Variants in MAF observed in about 807,000 individuals in gnomAD.
The protein encoded by MAF is transcription factor Maf.
In MAF, 10 loss-of-function variants were observed where a neutral mutation model predicts 22.0. The observed-to-expected ratio is 0.45, with a 90% CI of 0.28 to 0.77. The LOEUF is 0.77. Among genes scored for constraint, MAF ranks in the 30% least tolerant of loss-of-function variants. The pLI is 0.12. For missense variants in MAF, 544 were observed against 548.4 expected (o/e 0.99, Z 0.08); for synonymous variants, 337 against 255.8 (o/e 1.32, Z -3.03).
At chr16:79,269,820 C>T in the MAF span, among the ~76,000 whole-genome samples, 6 of 152,136 alleles carry the variant, frequency 3.9e-5, no homozygotes, top group African/African-American at 9.7e-5. Context: ...CCAACCTCCA[C>T]GGACCTACTT....
the MAF span, among the ~76,000 whole-genome samples, chr16:79,215,869 G>T: frequency 7.6e-3 from 1,164 of 152,192 alleles, 8 homozygotes; most frequent in African/African-American, 0.027. Context: ...AGTTATCTAC[G>T]TTACTTGAAG....
the MAF span, among the ~76,000 whole-genome samples, chr16:79,235,413 T>G: frequency 6.6e-6 from 1 of 151,840 alleles, no homozygotes; most frequent in African/African-American, 2.4e-5. Flanking sequence ...TAAAAAAATA[T>G]TAGCTGGGCA....
the MAF span, among the ~76,000 whole-genome samples, chr16:79,447,326 C>T: frequency 7.3e-6 from 1 of 136,702 alleles, no homozygotes; most frequent in Non-Finnish European, 1.5e-5. Context: ...TTAAGACCTA[C>T]TGCTCAAAAA....
the MAF span, among the ~76,000 whole-genome samples, chr16:79,346,513 A>C: frequency 6.6e-6 from 1 of 152,172 alleles, no homozygotes; most frequent in Non-Finnish European, 1.5e-5. Context: ...AGAAAAAAAA[A>C]CCTTTCTCTT....
chr16:79,530,127 G>A, the MAF span, among the ~76,000 whole-genome samples: 5 of 152,152 alleles, frequency 3.3e-5, no homozygotes, highest in South Asian at 2.1e-4. Context: ...GTATTACTAC[G>A]TATTTTTGGA....
chr16:79,569,701 TTATTGATG>T, the MAF span, among the ~76,000 whole-genome samples: 303 of 152,200 alleles, frequency 2.0e-3, no homozygotes, highest in Non-Finnish European at 3.8e-3. Context: ...TTTGAAAAAA[TTATTGATG>T]CCTGGGTACC....
chr16:79,556,639 CA>C, the MAF span, among the ~76,000 whole-genome samples: 3 of 152,182 alleles, frequency 2.0e-5, no homozygotes, highest in African/African-American at 7.2e-5. Context: ...GATCCTTGGG[CA>C]GCCTTTAAAA....
chr16:79,399,244 G>T, the MAF span, among the ~76,000 whole-genome samples: 1 of 152,156 alleles, frequency 6.6e-6, no homozygotes, highest in African/African-American at 2.4e-5. Flanking sequence ...AATAAAGATA[G>T]CATTATGGGC....
At chr16:79,213,321 C>T in the MAF span, among the ~76,000 whole-genome samples, 23 of 152,250 alleles carry the variant, frequency 1.5e-4, no homozygotes, top group African/African-American at 5.5e-4. Flanking sequence ...CATTGCCCTC[C>T]AGTGGCCCAT....
At chr16:79,405,422 A>G in the MAF span, among the ~76,000 whole-genome samples, 1 of 152,060 alleles carries the variant, frequency 6.6e-6, no homozygotes, top group African/African-American at 2.4e-5. Context: ...TGCATTACAG[A>G]CTCCTATTAG....
the MAF span, among the ~76,000 whole-genome samples, chr16:79,209,060 A>C: frequency 6.6e-6 from 1 of 152,248 alleles, no homozygotes; most frequent in Non-Finnish European, 1.5e-5. Context: ...CTACAAAGCC[A>C]GAGCCACTTG....
the MAF span, among the ~76,000 whole-genome samples, chr16:79,385,961 T>C: frequency 6.6e-6 from 1 of 152,176 alleles, no homozygotes; most frequent in Non-Finnish European, 1.5e-5. Flanking sequence ...TGTTTCCTGA[T>C]CACCTACTAG....
chr16:79,492,940 C>T, the MAF span, among the ~76,000 whole-genome samples: 2 of 150,672 alleles, frequency 1.3e-5, no homozygotes, highest in African/African-American at 2.4e-5. Flanking sequence ...AACATAGGTG[C>T]TGGTTACATG....
intron 1 of MAF, 167 bp downstream of exon 1, chr16:79,598,612 TGTGTGC>T (rs1913739365): frequency 7.4e-6 from 8 of 1,079,688 alleles, no homozygotes; most frequent in Non-Finnish European, 8.9e-6. Flanking sequence ...GTGTGTGTGG[TGTGTGC>T]GTGCGGGTTT....
At chr16:79,241,578 G>C in the MAF span, among the ~76,000 whole-genome samples, 13 of 152,076 alleles carry the variant, frequency 8.5e-5, no homozygotes, top group African/African-American at 1.7e-4. Context: ...TGGTGTACCT[G>C]AAAGTGACGG....
the MAF span, among the ~76,000 whole-genome samples, chr16:79,325,090 G>A: frequency 6.6e-6 from 1 of 152,042 alleles, no homozygotes; most frequent in Non-Finnish European, 1.5e-5. Flanking sequence ...AATCCGGGAT[G>A]GTCTCAACTT....
the MAF span, among the ~76,000 whole-genome samples, chr16:79,384,066 G>A: frequency 1.3e-5 from 2 of 152,162 alleles, no homozygotes; most frequent in South Asian, 2.1e-4. Context: ...GGCTGAGGGG[G>A]CTCCTCCTGA....
downstream of MAF, among the ~76,000 whole-genome samples, chr16:79,590,293 T>A (rs553611099): frequency 1.3e-5 from 2 of 152,138 alleles, no homozygotes; most frequent in Non-Finnish European, 2.9e-5. Flanking sequence ...TCTGCCTACA[T>A]CTCCTTCATT....
chr16:79,598,509 C>G, intron 1 of MAF: 3 of 1,347,858 alleles, frequency 2.2e-6, no homozygotes, highest in East Asian at 2.9e-5. Context: ...GATTGGCAAT[C>G]CATGAGCCAG....
Sources: gnomAD v4.1 joint callset for allele counts (sites outside exome capture counted in the v4.1 genomes callset) on GRCh38, gnomAD v4.1.1 for gene constraint, MANE v1.5 for transcripts, NCBI Gene and HGNC (gene_info 2026-07-23, HGNC 2026-07-21) for gene names.